EPHA3: variants seen among roughly 807,000 people sequenced by gnomAD.
EPHA3 encodes ephrin type-A receptor 3.
Under a neutral mutation model 107.1 loss-of-function variants are expected in EPHA3, and 42 were observed. The ratio of observed to expected loss-of-function variants is 0.39; its 90% CI spans 0.31 to 0.51. The LOEUF is 0.51. Ranked by LOEUF, EPHA3 falls within the 20% of genes least tolerant of loss-of-function variation. The probability of loss-of-function intolerance (pLI) is 0.78; values close to 1 mark genes in which losing one functional copy is unlikely to be tolerated. For synonymous variants in EPHA3, 461 were observed against 424.8 expected (o/e 1.09, Z -1.05); for missense variants, 1,183 against 1,211.2 (o/e 0.98, Z 0.35).
rs1222042366 is a variant in EPHA3 at position 89,482,133 on chromosome 3, A to T, written c.*2631A>T. 1.0e-5 allele frequency: 2 copies of T among 194,932 alleles called. No individual in the cohort carries two copies. The highest frequency in any genetic ancestry group is 2.1e-5 in the Non-Finnish European group (2 of 93,222). The allele number at this position is 194,932 out of a possible 1,614,324, so 12.1% of individuals were successfully genotyped here. The stretch of plus-strand genomic sequence containing the variant: ...AATGAAAATATTTTTTACAGATTGG[A>T]ATACAGAAGTGGTCTTTGAAGTTTT... On this transcript the variant is annotated 3_prime_UTR_variant, in exon 17 of 17. Coordinates refer to ENST00000336596, the MANE Select transcript of EPHA3 (RefSeq NM_005233.6).
At chr3:89,166,405 G>T (rs9866318) in intron 2 of EPHA3, among the ~76,000 whole-genome samples, 142,494 of 151,884 alleles carry the variant, frequency 0.94, 66,824 homozygotes, top group Admixed American at 0.96. Context: ...TAAAACACAT[G>T]GAGAGGAAGG....
intron 2 of EPHA3, among the ~76,000 whole-genome samples, chr3:89,139,764 C>T (rs893121999): frequency 3.3e-5 from 5 of 151,718 alleles, no homozygotes; most frequent in African/African-American, 9.7e-5. Flanking sequence ...TCATTACCTT[C>T]TGGGTCTGGG....
At chr3:89,189,545 A>T (rs1483362794) in intron 2 of EPHA3, among the ~76,000 whole-genome samples, 1 of 152,154 alleles carries the variant, frequency 6.6e-6, no homozygotes, top group Admixed American at 6.5e-5. Context: ...GTGAGCCCAG[A>T]TTGCGCCACT....
intron 3 of EPHA3, among the ~76,000 whole-genome samples, chr3:89,288,699 T>C (rs1167213801): frequency 6.6e-6 from 1 of 152,162 alleles, no homozygotes; most frequent in Non-Finnish European, 1.5e-5. Context: ...CTTTGAACAT[T>C]ATTAGGCATA....
intron 3 of EPHA3, among the ~76,000 whole-genome samples, chr3:89,216,126 A>G (rs1704218179): frequency 6.6e-6 from 1 of 151,918 alleles, no homozygotes; most frequent in African/African-American, 2.4e-5. Flanking sequence ...AACATAAATA[A>G]TGTGTCCATT....
intron 13 of EPHA3, among the ~76,000 whole-genome samples, chr3:89,444,569 T>A (rs1375936764): frequency 1.3e-5 from 2 of 152,148 alleles, no homozygotes; most frequent in African/African-American, 2.4e-5. Context: ...AGCTTTCCCT[T>A]GTAGCATCTT....
chr3:89,155,282 T>C (rs1200199253), intron 2 of EPHA3, among the ~76,000 whole-genome samples: 1 of 151,966 alleles, frequency 6.6e-6, no homozygotes, highest in Non-Finnish European at 1.5e-5. Context: ...CCAGCCTATC[T>C]GCGTCATTTA....
chr3:89,208,419 GAAGGAAGAAAGAAAGAAAGAAAGA>G (rs1576231244), intron 2 of EPHA3, among the ~76,000 whole-genome samples: 1 of 36,566 alleles, frequency 2.7e-5, no homozygotes, highest in East Asian at 4.8e-4. Context: ...AGGAAGGAAG[GAAGGAAGAAAGAAAGAAAGAAAGA>G]AAGAAAGAAA....
intron 13 of EPHA3, among the ~76,000 whole-genome samples, chr3:89,448,882 T>G (rs1709931197): frequency 6.6e-6 from 1 of 152,130 alleles, no homozygotes; most frequent in African/African-American, 2.4e-5. Context: ...GATACCTCTT[T>G]TAATTCTAAT....
intron 11 of EPHA3, among the ~76,000 whole-genome samples, chr3:89,425,717 GTA>G (rs1008874753): frequency 1.3e-5 from 2 of 151,188 alleles, no homozygotes; most frequent in African/African-American, 2.4e-5. Flanking sequence ...GACTATATAT[GTA>G]TATATATATG....
chr3:89,212,139 C>A (rs13098003), intron 3 of EPHA3, among the ~76,000 whole-genome samples: 1 of 151,292 alleles, frequency 6.6e-6, no homozygotes, highest in East Asian at 1.9e-4. Context: ...TGTGTCATAC[C>A]GTTTACTAGG....
chr3:89,446,198 G>A lies in EPHA3; in HGVS notation c.2347-3027G>A, dbSNP rs538094511. 9.2e-5 allele frequency among the ~76,000 whole-genome samples: 14 copies of A among 152,240 alleles called. No individual in the cohort carries two copies. In the South Asian group the frequency reaches 2.9e-3, roughly 32 times the overall value. On this transcript the variant is annotated intron_variant, in intron 13 of 16. Transcript: ENST00000336596. ...TTCTGGAAATAATTTGCTTGAATCT[G>A]TAACCATGTATTTCATTAGAGAACA...
At chr3:89,363,288 CAGAGAGAGAGTG>C (rs1341154686) in intron 5 of EPHA3, among the ~76,000 whole-genome samples, 1 of 149,956 alleles carries the variant, frequency 6.7e-6, no homozygotes, top group Non-Finnish European at 1.5e-5. Context: ...GGGCAGGAGA[CAGAGAGAGAGTG>C]AGAGAGAGAG....
At chr3:89,283,962 A>C (rs1463221918) in intron 3 of EPHA3, among the ~76,000 whole-genome samples, 1 of 152,134 alleles carries the variant, frequency 6.6e-6, no homozygotes, top group African/African-American at 2.4e-5. Flanking sequence ...AATACTAAAC[A>C]TGAATACAGA....
chr3:89,341,813 G>A lies in EPHA3; in HGVS notation c.1029G>A (p.Leu343=). ...ISNINETSVI[L]DWSWPLDTGG... ...ATATAAACGAGACCTCAGTTATCCT[G>A]GACTGGAGTTGGCCCCTGGACACAG... Residue 343 remains leucine, a synonymous_variant, in exon 5 of 17, where the codon CTG becomes CTA. Transcript: ENST00000336596. 1 of 1,613,846 alleles carries A rather than the reference G, an allele frequency of 6.2e-7. No individual in the cohort carries two copies. Among genetic ancestry groups the A allele is most frequent in the Non-Finnish European group, 8.5e-7 (1 of 1,179,986 alleles).
chr3:89,375,384 G>A (rs1395866519), intron 5 of EPHA3, among the ~76,000 whole-genome samples: 1 of 151,674 alleles, frequency 6.6e-6, no homozygotes, highest in African/African-American at 2.4e-5. Flanking sequence ...AACACAGGCA[G>A]GGGAGCATAA....
At chr3:89,238,742 C>T (rs1704827887) in intron 3 of EPHA3, among the ~76,000 whole-genome samples, 1 of 152,112 alleles carries the variant, frequency 6.6e-6, no homozygotes, top group South Asian at 2.1e-4. Context: ...TGTTGTTAAC[C>T]TTAACAAATC....
At chr3:89,278,250 A>C (rs1259433129) in intron 3 of EPHA3, among the ~76,000 whole-genome samples, 2 of 152,070 alleles carry the variant, frequency 1.3e-5, no homozygotes, top group East Asian at 3.9e-4. Flanking sequence ...ACAGGGTATC[A>C]TGTTTGCTGG....
chr3:89,357,106 CAAAAAAAAAAAAAAAAAA>C lies in EPHA3; in HGVS notation c.1306+15029_1306+15046del. On this transcript the variant is annotated intron_variant, in intron 5 of 16. Transcript: ENST00000336596. Reference sequence around the variant, plus strand: ...CTGGTGAAAGAGTGAGACCCTGTCTCAAAAAAAAAAAAAAAAAAAAAAAAAAAAAAGCACAATCAAGCA... The same window carrying C: ...CTGGTGAAAGAGTGAGACCCTGTCTCAAAAAAAAAAAAGCACAATCAAGCA... Among the ~76,000 whole-genome samples the C allele has an allele frequency of 1.3e-4, 2 of 15,998 alleles. 1 individual carries two copies. The highest frequency in any genetic ancestry group is 4.2e-4 in the African/African-American group (2 of 4,708). 10.5% of individuals were successfully genotyped at this position (15,998 alleles called of 152,430 possible). A position where few individuals can be genotyped will look rare whatever the true frequency, so the allele number is the denominator to read the frequency against.
Sources: gnomAD v4.1 joint callset for allele counts (sites outside exome capture counted in the v4.1 genomes callset) on GRCh38, gnomAD v4.1.1 for gene constraint, MANE v1.5 for transcripts, NCBI Gene and HGNC (gene_info 2026-07-23, HGNC 2026-07-21) for gene names.